The following PROKR2 variants were observed in gnomAD, a reference collection of about 807,000 sequenced individuals.
PROKR2 encodes G protein-coupled receptor 73-like 1.
A neutral mutation model predicts 23.4 loss-of-function variants in PROKR2; 26 were observed. The ratio of observed to expected loss-of-function variants is 1.11; its 90% CI spans 0.81 to 1.54. PROKR2 has a LOEUF of 1.54. Ranked by LOEUF, PROKR2 falls within the 40% of genes most tolerant of loss-of-function variation. The pLI, the probability that PROKR2 is intolerant of heterozygous loss-of-function variation, is 0.00. For synonymous variants in PROKR2, 212 were observed against 201.2 expected, an observed-to-expected ratio of 1.05 and a Z score of -0.45; for missense variants, 453 against 511.5, an observed-to-expected ratio of 0.89 and a Z score of 1.10.
intron 2 of PROKR2, among the ~76,000 whole-genome samples, chr20:5,307,415 A>C (rs556137871): frequency 7.2e-5 from 11 of 152,336 alleles, no homozygotes; most frequent in African/African-American, 2.6e-4. Flanking sequence ...GCAGTTACAC[A>C]TGCTTTCTGA....
At chr20:5,310,998 T>C (rs1345137184) in intron 2 of PROKR2, among the ~76,000 whole-genome samples, 2 of 152,234 alleles carry the variant, frequency 1.3e-5, no homozygotes, top group Non-Finnish European at 2.9e-5. Context: ...ACAAGCGCCC[T>C]GGAATGCTAG....
intron 1 of PROKR2, chr20:5,315,847 G>C (rs757162700): frequency 2.2e-6 from 1 of 456,618 alleles, no homozygotes; most frequent in South Asian, 1.5e-5. Flanking sequence ...AGAATGGGGA[G>C]TCCTACCCCT....
chr20:5,301,957 C>T lies in PROKR2; in HGVS notation c.*83G>A, dbSNP rs1290088129. ...GGAGGCATGAACACAGATGTCATTT[C>T]CCATGCAGCCTATGAACTTGGTTGA... On this transcript the variant is annotated 3_prime_UTR_variant, in exon 3 of 3. Coordinates refer to ENST00000678254, the MANE Select transcript of PROKR2 (RefSeq NM_144773.4). 4.7e-6 allele frequency: 6 copies of T among 1,288,342 alleles called. No homozygotes were observed. Among genetic ancestry groups the T allele is most frequent in the Non-Finnish European group, 6.6e-6 (6 of 912,416 alleles). The allele number at this position is 1,288,342 out of a possible 1,614,324, so 79.8% of individuals were successfully genotyped here.
chr20:5,305,104 C>G (rs924428942), intron 2 of PROKR2, among the ~76,000 whole-genome samples: 1 of 148,880 alleles, frequency 6.7e-6, no homozygotes, highest in African/African-American at 2.5e-5. Flanking sequence ...CAAAATATGT[C>G]CAAAATGTAA....
chr20:5,315,015 T>C (rs890779766), intron 1 of PROKR2, among the ~76,000 whole-genome samples: 1 of 152,224 alleles, frequency 6.6e-6, no homozygotes, highest in Admixed American at 6.5e-5. Context: ...CACTTTCACA[T>C]GGACAGACTG....
rs1236982483 is a variant in PROKR2 at position 5,301,938 on chromosome 20, A to G, written c.*102T>C. ...AGCTTCTTGAGGGCACGGGGGAGGC[A>G]TGAACACAGATGTCATTTCCCATGC... On this transcript the variant is annotated 3_prime_UTR_variant, in exon 3 of 3. Coordinates refer to ENST00000678254, the MANE Select transcript of PROKR2 (RefSeq NM_144773.4). 1.5e-5 allele frequency: 16 copies of G among 1,086,870 alleles called. No individual in the cohort carries two copies. Among genetic ancestry groups the G allele is most frequent in the Admixed American group, 8.1e-5 (4 of 49,402 alleles). 67.3% of individuals were successfully genotyped at this position (1,086,870 alleles called of 1,614,324 possible).
Position 5,313,900 on chromosome 20 carries a change from C to T in PROKR2, c.458+12G>A, listed in dbSNP as rs1251528000. 6.2e-7 allele frequency: 1 copy of T among 1,611,878 alleles called. No homozygotes were observed. The highest frequency in any genetic ancestry group is 1.3e-5 in the African/African-American group (1 of 74,910). ...GCCCAGCCCCACCACTCACCCCACC[C>T]ACCATCCTCACCTGTCAATGGCAAT... On this transcript the variant is annotated intron_variant, in intron 2 of 2. Coordinates refer to ENST00000678254, the MANE Select transcript of PROKR2 (RefSeq NM_144773.4).
At chr20:5,315,907 C>A (rs1296513592) in intron 1 of PROKR2, 1 of 456,444 alleles carries the variant, frequency 2.2e-6, no homozygotes, top group Non-Finnish European at 4.4e-6. Context: ...CGCGCCCGGG[C>A]TGGGACAGGT....
rs755527948 is a variant in PROKR2, at chr20:5,302,376, C to A, written c.819G>T (p.Thr273=). Residue 273 remains threonine, a synonymous_variant, in exon 3 of 3, where the codon ACG becomes ACT. Coordinates refer to ENST00000678254, the MANE Select transcript of PROKR2 (RefSeq NM_144773.4). ...TGAGAATGCACATGAGCACCAGGAC[C>A]GTCTTCCTGCGGCAGCGCAGCCGCT... The part of the protein sequence containing the change: ...IRKRLRCRRK[T]VLVLMCILTA... 4 of 1,614,230 alleles carry A rather than the reference C, an allele frequency of 2.5e-6. No homozygotes were observed. Among genetic ancestry groups the A allele is most frequent in the Non-Finnish European group, 2.5e-6 (3 of 1,180,048 alleles).
chr20:5,314,896 G>A (rs564379027), intron 1 of PROKR2, among the ~76,000 whole-genome samples: 79 of 152,326 alleles, frequency 5.2e-4, no homozygotes, highest in African/African-American at 1.9e-3. Flanking sequence ...GCACCTGTTG[G>A]CCAGGGACAA....
Position 5,316,008 on chromosome 20 carries a change from C to T in PROKR2, c.-9+486G>A. 4.4e-6 allele frequency: 2 copies of T among 456,678 alleles called. No homozygotes were observed. Among genetic ancestry groups the T allele is most frequent in the South Asian group, 3.1e-5 (2 of 64,562 alleles). 28.3% of individuals were successfully genotyped at this position (456,678 alleles called of 1,614,324 possible). A position where few individuals can be genotyped will look rare whatever the true frequency, so the allele number is the denominator to read the frequency against. On this transcript the variant is annotated intron_variant, in intron 1 of 2. Coordinates refer to ENST00000678254, the MANE Select transcript of PROKR2 (RefSeq NM_144773.4). This position sits in a 1 kb window ranked among gnomAD's most constrained non-coding sequence, Gnocchi z 5.0. ...CGCCCCATCAACGCGGCCGCACTGT[C>T]GGCGTCTAGAGGCGACATCCTGGCA...
chr20:5,299,705 A>T lies in PROKR2; in HGVS notation c.*2335T>A, dbSNP rs1364127821. Among the ~76,000 whole-genome samples, 3 of 152,098 alleles carry T rather than the reference A, an allele frequency of 2.0e-5. No homozygotes were observed. Among genetic ancestry groups the T allele is most frequent in the Non-Finnish European group, 4.4e-5 (3 of 68,004 alleles). On this transcript the variant is annotated 3_prime_UTR_variant, in exon 3 of 3. Coordinates refer to ENST00000678254, the MANE Select transcript of PROKR2 (RefSeq NM_144773.4). ...AGTGGTGTGATCTCAATTCACTGCA[A>T]CCTCTGCCTCTGGGGTTCAAGCAAT...
In PROKR2 at chr20:5,316,751, C is replaced by T. The variant is rs1297265528; in HGVS notation, c.-266G>A. ...TTCCAGCGTCTCGGACCTGTGCGCC[C>T]CGCCCCGCGCTGGACTCCGCCCCGG... On this transcript the variant is annotated 5_prime_UTR_variant, in exon 1 of 3. Coordinates refer to ENST00000678254, the MANE Select transcript of PROKR2 (RefSeq NM_144773.4). The surrounding 1 kb of genome is among the most constrained non-coding windows in gnomAD (Gnocchi z 5.0). 6.6e-6 allele frequency among the ~76,000 whole-genome samples: 1 copy of T among 152,236 alleles called. No individual in the cohort carries two copies. Among genetic ancestry groups the T allele is most frequent in the African/African-American group, 2.4e-5 (1 of 41,474 alleles).
chr20:5,299,784 C>T lies in PROKR2; in HGVS notation c.*2256G>A, dbSNP rs1254347836. ...GGACCACAGGCATGTGCCACCACGC[C>T]AGCTAATTTCTGTATTTTTCTAGAG... On this transcript the variant is annotated 3_prime_UTR_variant, in exon 3 of 3. Transcript: ENST00000678254. Among the ~76,000 whole-genome samples the T allele has an allele frequency of 7.2e-6, 1 of 138,568 alleles. No individual in the cohort carries two copies. Among genetic ancestry groups the T allele is most frequent in the Non-Finnish European group, 1.6e-5 (1 of 63,912 alleles). The allele number at this position is 138,568 out of a possible 152,430, so 90.9% of individuals were successfully genotyped here.
At chr20:5,308,756 C>T (rs896980972) in intron 2 of PROKR2, among the ~76,000 whole-genome samples, 4 of 152,156 alleles carry the variant, frequency 2.6e-5, no homozygotes, top group African/African-American at 9.7e-5. Flanking sequence ...TCCTTTGTGA[C>T]CAGACCCTTC....
At position 5,314,075 on chromosome 20, in the gene PROKR2, C is replaced by T. The variant is rs773364376; in HGVS notation, c.295G>A (p.Asp99Asn). 22 of 1,614,042 alleles carry T rather than the reference C, an allele frequency of 1.4e-5. No homozygotes were observed. The highest frequency in any genetic ancestry group is 1.7e-5 in the Admixed American group (1 of 59,998). The change falls in exon 2 of 3, where the codon GAC becomes AAC. Residue 99 changes from aspartate (D) to asparagine (N), a missense_variant. By Grantham distance (23) the Asp-to-Asn change is conservative. Transcript: ENST00000678254. Reference sequence around the variant, plus strand: ...CAGCAGATGATGGCCACCAGGAAGTCGGAGATGGCCAGGTTGGCAATGAGC... The same window carrying T: ...CAGCAGATGATGGCCACCAGGAAGTTGGAGATGGCCAGGTTGGCAATGAGC... ...NLLIANLAIS[D>N]FLVAIICCPF...
chr20:5,306,047 T>G (rs1367877826), intron 2 of PROKR2, among the ~76,000 whole-genome samples: 3 of 152,178 alleles, frequency 2.0e-5, no homozygotes, highest in South Asian at 2.1e-4. Context: ...AACCACTTAA[T>G]TGGAAAGACA....
rs764235730 is a variant in PROKR2 at position 5,302,694 on chromosome 20, A to G, written c.501T>C (p.Tyr167=). ...AGGCGATCAGGAAGGAGGCCGTTTG[A>G]TAATTCATCCGTGGTTTCAAGGGGT... The part of the protein sequence containing the change: ...IVHPLKPRMN[Y]QTASFLIALV... Residue 167 remains tyrosine, a synonymous_variant, in exon 3 of 3, where the codon TAT becomes TAC. Transcript: ENST00000678254. 1 of 1,614,194 alleles carries G rather than the reference A, an allele frequency of 6.2e-7. No individual in the cohort carries two copies. Among genetic ancestry groups the G allele is most frequent in the South Asian group, 1.1e-5 (1 of 91,088 alleles).
In PROKR2 at chr20:5,302,349, C is replaced by A. The variant is rs762253938; in HGVS notation, c.846G>T (p.Thr282=). 2.5e-6 allele frequency: 4 copies of A among 1,614,226 alleles called. No individual in the cohort carries two copies. The highest frequency in any genetic ancestry group is 2.2e-5 in the South Asian group (2 of 91,082). ...AGGGTGCCCAGCACAGCACATAGGCCGTGAGAATGCACATGAGCACCAGGA... is the reference window on the plus strand; with the variant it reads ...AGGGTGCCCAGCACAGCACATAGGCAGTGAGAATGCACATGAGCACCAGGA... ...KTVLVLMCIL[T]AYVLCWAPFY... is the part of the protein sequence containing the mutation. The change falls in exon 3 of 3, where the codon ACG becomes ACT. Residue 282 remains threonine, a synonymous_variant. Coordinates refer to ENST00000678254, the MANE Select transcript of PROKR2 (RefSeq NM_144773.4).
Sources: allele counts gnomAD v4.1 joint callset (sites outside exome capture counted in the v4.1 genomes callset), GRCh38; gene constraint gnomAD v4.1.1; non-coding constraint Gnocchi (gnomAD v3.1); transcripts MANE v1.5; gene names NCBI Gene and HGNC (gene_info 2026-07-23, HGNC 2026-07-21).